Variants in DOCK1 observed in about 807,000 individuals in gnomAD.
DOCK1 encodes dedicator of cytokinesis 1.
In DOCK1, 138 loss-of-function variants were observed where a neutral mutation model predicts 262.7. That is an observed-to-expected ratio of 0.53 (90% CI 0.46 to 0.61). The LOEUF is 0.61. DOCK1 is among the 20% of genes least tolerant of loss of function. The pLI, the probability that DOCK1 is intolerant of heterozygous loss-of-function variation, is 0.00. For missense variants in DOCK1, 1,908 were observed against 2,370.7 expected, an observed-to-expected ratio of 0.80 and a Z score of 4.05; for synonymous variants, 866 against 867.4, an observed-to-expected ratio of 1.00 and a Z score of 0.03.
At chr10:127,034,131 T>C (rs942041333) in intron 18 of DOCK1, among the ~76,000 whole-genome samples, 1 of 152,154 alleles carries the variant, frequency 6.6e-6, no homozygotes, top group Non-Finnish European at 1.5e-5. Flanking sequence ...GCATGTGCAG[T>C]GTATTTGTCC....
intron 29 of DOCK1, among the ~76,000 whole-genome samples, chr10:127,324,466 C>G (rs2135595991): frequency 6.6e-6 from 1 of 152,316 alleles, no homozygotes; most frequent in East Asian, 1.9e-4. Context: ...CTGGGCAGGA[C>G]TGGGGACCCA....
At position 127,044,846 on chromosome 10, in the gene DOCK1, T is replaced by G. The variant is rs968131452; in HGVS notation, c.2201+1682T>G. Among the ~76,000 whole-genome samples, 4 of 152,134 alleles carry G rather than the reference T, an allele frequency of 2.6e-5. 1 individual carries two copies. In the South Asian group the frequency reaches 6.2e-4, roughly 24 times the overall value. The stretch of plus-strand genomic sequence containing the variant: ...TGGGAGATTTTGATGAGTTTCCTAA[T>G]GAGACAAACAAAAAGTACCATTTTT... On this transcript the variant is annotated intron_variant, in intron 21 of 51. Transcript: ENST00000623213.
rs952824056 is a variant in DOCK1 at position 126,938,497 on chromosome 10, A to T, written c.47-32205A>T. Among the ~76,000 whole-genome samples the T allele has an allele frequency of 7.9e-5, 12 of 152,124 alleles. No individual in the cohort carries two copies. In the South Asian group the frequency reaches 1.7e-3, roughly 21 times the overall value. ...ATTTCCGGGCTCTCTATTCTCTTCT[A>T]TTGGTCTCTGTATATCTGTCTTTAC... On this transcript the variant is annotated intron_variant, in intron 1 of 51. Transcript: ENST00000623213.
intron 6 of DOCK1, among the ~76,000 whole-genome samples, chr10:126,991,527 T>C (rs918053324): frequency 6.6e-6 from 1 of 151,960 alleles, no homozygotes; most frequent in Non-Finnish European, 1.5e-5. Context: ...TGTTTTTTTT[T>C]TGTTTGTTTG....
chr10:127,232,180 G>GTGGTC, intron 27 of DOCK1, among the ~76,000 whole-genome samples: 1 of 151,980 alleles, frequency 6.6e-6, no homozygotes, highest in Non-Finnish European at 1.5e-5. Flanking sequence ...ATATGTATTG[G>GTGGTC]AAGAGCTTGA....
At chr10:126,978,439 A>G (rs2038710829) in intron 3 of DOCK1, among the ~76,000 whole-genome samples, 1 of 152,186 alleles carries the variant, frequency 6.6e-6, no homozygotes, top group African/African-American at 2.4e-5. Flanking sequence ...CAAGCTGTGA[A>G]AAAAGGAGTT....
At chr10:127,416,612 A>T (rs1345025342) in intron 44 of DOCK1, among the ~76,000 whole-genome samples, 1 of 152,146 alleles carries the variant, frequency 6.6e-6, no homozygotes, top group African/African-American at 2.4e-5. Context: ...CCTGCTACCA[A>T]ACCCTGATGC....
intron 45 of DOCK1, 67 bp from the exon 46 acceptor site, chr10:127,419,599 C>T: frequency 6.9e-7 from 1 of 1,445,732 alleles, no homozygotes; most frequent in Non-Finnish European, 9.5e-7. Context: ...GCCTGGCACA[C>T]AGTAAGTGTG....
intron 22 of DOCK1, among the ~76,000 whole-genome samples, chr10:127,055,453 T>C (rs557379244): frequency 6.6e-6 from 1 of 152,332 alleles, no homozygotes; most frequent in African/African-American, 2.4e-5. Context: ...TTTCATCTTA[T>C]TGGCCAGAAC....
In DOCK1 at chr10:127,250,791, C is replaced by CA. The variant is rs1180814401; in HGVS notation, c.2949+2713dup. ...TGGGCGACACAGTGAGACTCCGTCT[C>CA]AAAAAAAAAAAAAAAAAAAAAAAAA... On this transcript the variant is annotated intron_variant, in intron 28 of 51. Transcript: ENST00000623213. Among the ~76,000 whole-genome samples the CA allele has an allele frequency of 7.1e-3, 457 of 64,070 alleles. 57 individuals are homozygous for CA. The highest frequency in any genetic ancestry group is 0.059 in the East Asian group (97 of 1,638). The allele number at this position is 64,070 out of a possible 152,430, so 42.0% of individuals were successfully genotyped here.
chr10:126,975,203 A>G (rs947631726), intron 2 of DOCK1, among the ~76,000 whole-genome samples: 4 of 152,072 alleles, frequency 2.6e-5, no homozygotes, highest in African/African-American at 9.7e-5. Flanking sequence ...CTCTAACTGC[A>G]TCGTGTGCAC....
chr10:127,411,928 A>G (rs1185048113), intron 43 of DOCK1, among the ~76,000 whole-genome samples: 1 of 152,132 alleles, frequency 6.6e-6, no homozygotes, highest in African/African-American at 2.4e-5. Context: ...AACAGCAAAC[A>G]TCTTTAGAGC....
intron 1 of DOCK1, among the ~76,000 whole-genome samples, chr10:126,924,520 G>T (rs563381323): frequency 7.5e-4 from 114 of 152,280 alleles, no homozygotes; most frequent in African/African-American, 2.6e-3. Context: ...GGGGAGCCCT[G>T]TCTGGAGCCT....
chr10:127,103,050 G>T (rs2048340028), intron 23 of DOCK1, among the ~76,000 whole-genome samples: 1 of 152,144 alleles, frequency 6.6e-6, no homozygotes, highest in African/African-American at 2.4e-5. Flanking sequence ...AGTCACATGG[G>T]ATGCAGCCTC....
intron 28 of DOCK1, among the ~76,000 whole-genome samples, chr10:127,253,452 TG>T (rs2059721576): frequency 6.6e-6 from 1 of 152,168 alleles, no homozygotes; most frequent in Admixed American, 6.5e-5. Flanking sequence ...ACCATCTACC[TG>T]GAGTTAGCAT....
chr10:127,057,634 T>G (rs1431361491), intron 22 of DOCK1, among the ~76,000 whole-genome samples: 1 of 152,228 alleles, frequency 6.6e-6, no homozygotes, highest in Non-Finnish European at 1.5e-5. Context: ...TGGTTTTTGT[T>G]TGTCTGTGTT....
At chr10:126,910,027 A>C (rs1294270199) in intron 1 of DOCK1, among the ~76,000 whole-genome samples, 2 of 152,232 alleles carry the variant, frequency 1.3e-5, no homozygotes, top group Non-Finnish European at 2.9e-5. Context: ...TGCTAGGAAT[A>C]GTGTGATATC....
chr10:127,418,159 G>C (rs2068273044), intron 44 of DOCK1, among the ~76,000 whole-genome samples: 1 of 152,176 alleles, frequency 6.6e-6, no homozygotes, highest in African/African-American at 2.4e-5. Context: ...CCAGAGCTGA[G>C]CAGCAGCTTT....
At chr10:126,968,667 C>T (rs931111227) in intron 1 of DOCK1, among the ~76,000 whole-genome samples, 2 of 152,096 alleles carry the variant, frequency 1.3e-5, no homozygotes, top group South Asian at 4.2e-4. Context: ...TTATTTTTCC[C>T]ACGTCTAGAA....
Sources: gnomAD v4.1 joint callset for allele counts (sites outside exome capture counted in the v4.1 genomes callset) on GRCh38, gnomAD v4.1.1 for gene constraint, MANE v1.5 for transcripts, NCBI Gene and HGNC (gene_info 2026-07-23, HGNC 2026-07-21) for gene names.